RTBDN: variants seen among roughly 807,000 people sequenced by gnomAD.
RTBDN encodes retbindin.
A neutral mutation model predicts 21.9 loss-of-function variants in RTBDN; 24 were observed. The ratio of observed to expected loss-of-function variants is 1.10; its 90% CI spans 0.79 to 1.54. RTBDN has a LOEUF of 1.54. RTBDN is among the 40% of genes most tolerant of loss of function. RTBDN has a pLI of 0.00. For synonymous variants in RTBDN, 141 were observed against 125.9 expected (o/e 1.12, Z -0.80); for missense variants, 325 against 315.2 (o/e 1.03, Z -0.23).
In RTBDN at chr19:12,830,886, G is replaced by T. The variant is rs1599561643; in HGVS notation, c.-18-889C>A. Among the ~76,000 whole-genome samples the T allele has an allele frequency of 6.6e-6, 1 of 151,300 alleles. No homozygotes were observed. Among genetic ancestry groups the T allele is most frequent in the East Asian group, 1.9e-4 (1 of 5,134 alleles). ...GTATGTGTGTGAGGAAGGTGTGTTT[G>T]TGTGGCCTATAGCCTGTGTGTGTTC... On this transcript the variant is annotated intron_variant, in intron 1 of 5. Transcript: ENST00000674343. This position sits in a 1 kb window ranked among gnomAD's most constrained non-coding sequence, Gnocchi z 4.2.
At chr19:12,833,177 T>A (rs1969638764) in intron 1 of RTBDN, among the ~76,000 whole-genome samples, 1 of 151,854 alleles carries the variant, frequency 6.6e-6, no homozygotes. Flanking sequence ...TGGGGGGGCA[T>A]AATATGTATG....
chr19:12,835,264 A>G, upstream of RTBDN: 2 of 663,114 alleles, frequency 3.0e-6, no homozygotes, highest in Non-Finnish European at 5.4e-6. Context: ...TTCAGAGCCC[A>G]GATGGCCCGA....
intron 3 of RTBDN, 49 bp from the exon 4 acceptor site, chr19:12,828,816 T>G (rs977362200): frequency 4.3e-6 from 7 of 1,613,674 alleles, no homozygotes; most frequent in Non-Finnish European, 5.9e-6. Context: ...CCGAGGGAGT[T>G]CCTGGGCAAT....
Position 12,825,588 on chromosome 19 carries a change from G to A in RTBDN, c.*118C>T. The A allele has an allele frequency of 2.1e-6, 3 of 1,419,034 alleles. No homozygotes were observed. The highest frequency in any genetic ancestry group is 2.8e-6 in the Non-Finnish European group (3 of 1,080,188). 87.9% of individuals were successfully genotyped at this position (1,419,034 alleles called of 1,614,324 possible). On this transcript the variant is annotated 3_prime_UTR_variant, in exon 6 of 6. Transcript: ENST00000674343. ...TGGGTCTCTGGAGCTCCAGGGAGGAGGGACAGACATCTCAAAACTATTACA... is the reference window on the plus strand; with the variant it reads ...TGGGTCTCTGGAGCTCCAGGGAGGAAGGACAGACATCTCAAAACTATTACA...
At chr19:12,833,983 C>T in intron 1 of RTBDN, 2 of 398,146 alleles carry the variant, frequency 5.0e-6, no homozygotes, top group East Asian at 3.6e-5. Context: ...CGATTCGGGC[C>T]TCATCCGCCG....
At chr19:12,828,999 A>G in intron 2 of RTBDN, 46 bp from the exon 3 acceptor site, 1 of 1,610,606 alleles carries the variant, frequency 6.2e-7, no homozygotes, top group Non-Finnish European at 8.5e-7. Flanking sequence ...ATATTCAGGT[A>G]AGGTTTGGGA....
intron 1 of RTBDN, chr19:12,833,807 GC>G (rs1969663781): frequency 5.7e-6 from 1 of 176,862 alleles, no homozygotes; most frequent in Non-Finnish European, 1.1e-5. Flanking sequence ...CGCCGGGCCC[GC>G]CCCACTTCGC....
Position 12,829,926 on chromosome 19 carries a change from C to T in RTBDN, c.54G>A (p.Leu18=), listed in dbSNP as rs1287459461. Residue 18 remains leucine, a synonymous_variant, in exon 2 of 6, where the codon CTG becomes CTA. Coordinates refer to ENST00000674343, the MANE Select transcript of RTBDN (RefSeq NM_001270441.2). ...CTTCTAGCAGGATCCATGCCAAGGTCAGTTGCAGCACCCACGTCAGGCCGA... is the reference window on the plus strand; with the variant it reads ...CTTCTAGCAGGATCCATGCCAAGGTTAGTTGCAGCACCCACGTCAGGCCGA... ...RPIGLTWVLQ[L]TLAWILLEAC... is the part of the protein sequence containing the mutation. 1 of 1,614,144 alleles carries T rather than the reference C, an allele frequency of 6.2e-7. No homozygotes were observed. The highest frequency in any genetic ancestry group is 8.5e-7 in the Non-Finnish European group (1 of 1,180,014).
chr19:12,831,468 G>C (rs1969571417), intron 1 of RTBDN, among the ~76,000 whole-genome samples: 1 of 152,220 alleles, frequency 6.6e-6, no homozygotes, highest in African/African-American at 2.4e-5. Flanking sequence ...ACATTGGGAA[G>C]CTGAAGTAGA....
At chr19:12,834,831 G>A, upstream of RTBDN, 1 of 1,614,168 alleles carries the variant, frequency 6.2e-7, no homozygotes, top group Non-Finnish European at 8.5e-7. The surrounding 1 kb of genome is among the most constrained non-coding windows in gnomAD (Gnocchi z 4.7). Flanking sequence ...TCCTCTGCTC[G>A]TCTTCAGCTG....
At chr19:12,832,048 T>A (rs1036964863) in intron 1 of RTBDN, among the ~76,000 whole-genome samples, 5 of 152,186 alleles carry the variant, frequency 3.3e-5, no homozygotes, top group Non-Finnish European at 7.3e-5. Context: ...TGTATCTGTA[T>A]TTTTGGATGT....
rs1969674851 is a variant in RTBDN, at chr19:12,834,115, C to T, written c.-19+374G>A. The stretch of plus-strand genomic sequence containing the variant: ...CTAGGGTCAGCCGGGACGCCCCCAC[C>T]CATAGGTTCGGGACGCTAACCGCGG... On this transcript the variant is annotated intron_variant, in intron 1 of 5. Coordinates refer to ENST00000674343, the MANE Select transcript of RTBDN (RefSeq NM_001270441.2). The surrounding 1 kb of genome is among the most constrained non-coding windows in gnomAD (Gnocchi z 4.7). 7.5e-6 allele frequency: 3 copies of T among 400,436 alleles called. No homozygotes were observed. Among genetic ancestry groups the T allele is most frequent in the Non-Finnish European group, 1.3e-5 (3 of 227,192 alleles). 24.8% of individuals were successfully genotyped at this position (400,436 alleles called of 1,614,324 possible).
rs144157834 is a variant in RTBDN at position 12,828,890 on chromosome 19, C to A, written c.233G>T (p.Arg78Leu). The stretch of plus-strand genomic sequence containing the variant: ...TCACTCAGGGCTCGGCACTCCACAG[C>A]GTTCTGGATGGTTTCCAGGGCCCGA... ...ETSGPGNHPE[R>L]CGVPSPECES... The change falls in exon 3 of 6, where the codon CGC becomes CTC. Residue 78 changes from arginine (R) to leucine (L), a missense_variant. Physicochemically the swap from Arg to Leu is moderately radical, Grantham distance 102 (BLOSUM62 -2). Coordinates refer to ENST00000674343, the MANE Select transcript of RTBDN (RefSeq NM_001270441.2). 5.0e-4 allele frequency: 801 copies of A among 1,614,186 alleles called. No homozygotes were observed. The highest frequency in any genetic ancestry group is 6.2e-4 in the Non-Finnish European group (730 of 1,180,034).
intron 5 of RTBDN, chr19:12,826,539 C>T (rs1355713190): frequency 2.7e-6 from 2 of 754,622 alleles, no homozygotes; most frequent in Non-Finnish European, 3.9e-6. Context: ...ACTAAAAATA[C>T]AAAAATTAGC....
In RTBDN at chr19:12,830,578, T is replaced by C; in HGVS notation, c.-18-581A>G. The C allele has an allele frequency of 1.0e-6, 1 of 985,386 alleles. No individual in the cohort carries two copies. The highest frequency in any genetic ancestry group is 1.2e-6 in the Non-Finnish European group (1 of 829,950). The allele number at this position is 985,386 out of a possible 1,614,324, so 61.0% of individuals were successfully genotyped here. ...CTAGCGGTCTGTGGAGACAAGACTG[T>C]CCCCTTCCCGCCTCCCCGCATTCAG... On this transcript the variant is annotated intron_variant, in intron 1 of 5. Transcript: ENST00000674343. This position sits in a 1 kb window ranked among gnomAD's most constrained non-coding sequence, Gnocchi z 4.2.
At chr19:12,829,068 C>T in intron 2 of RTBDN, 115 bp from the exon 3 acceptor site, 3 of 1,503,072 alleles carry the variant, frequency 2.0e-6, no homozygotes, top group Non-Finnish European at 2.7e-6. Context: ...TCCTCACAAA[C>T]CCATAACTTA....
chr19:12,835,094 T>A, upstream of RTBDN: 1 of 1,612,944 alleles, frequency 6.2e-7, no homozygotes, highest in Non-Finnish European at 8.5e-7. Flanking sequence ...TAGGGCTTCG[T>A]CCATTTCTAG....
At chr19:12,833,727 CG>C (rs1969659319) in intron 1 of RTBDN, among the ~76,000 whole-genome samples, 1 of 143,622 alleles carries the variant, frequency 7.0e-6, no homozygotes, top group Admixed American at 7.0e-5. Context: ...CCCCCCCGCC[CG>C]CCCCTTCCCC....
rs374786325 is a variant in RTBDN at position 12,830,040 on chromosome 19, C to G, written c.-18-43G>C. On this transcript the variant is annotated intron_variant, in intron 1 of 5. Transcript: ENST00000674343. The surrounding 1 kb of genome is among the most constrained non-coding windows in gnomAD (Gnocchi z 4.2). Reference sequence around the variant, plus strand: ...GGGTTCAGCCATCCCTTTCTGTGAGCTTAGGGTGGCACCCACCCAGTGCAT... The same window carrying G: ...GGGTTCAGCCATCCCTTTCTGTGAGGTTAGGGTGGCACCCACCCAGTGCAT... 1.3e-6 allele frequency: 2 copies of G among 1,573,086 alleles called. No individual in the cohort carries two copies. The highest frequency in any genetic ancestry group is 1.7e-6 in the Non-Finnish European group (2 of 1,151,654).
Sources: allele counts gnomAD v4.1 joint callset (sites outside exome capture counted in the v4.1 genomes callset), GRCh38; gene constraint gnomAD v4.1.1; non-coding constraint Gnocchi (gnomAD v3.1); transcripts MANE v1.5; gene names NCBI Gene and HGNC (gene_info 2026-07-23, HGNC 2026-07-21).